EXOC3: variants seen among roughly 807,000 people sequenced by gnomAD.
EXOC3 encodes the protein exocyst complex component 3, also known as SEC6-like 1.
Under a neutral mutation model 73.7 loss-of-function variants are expected in EXOC3, and 21 were observed. That is an observed-to-expected ratio of 0.29 (90% CI 0.20 to 0.41). EXOC3 has a LOEUF of 0.41. EXOC3 is among the 10% of genes least tolerant of loss of function. The pLI, the probability that EXOC3 is intolerant of heterozygous loss-of-function variation, is 1.00. For missense variants in EXOC3, 842 were observed against 985.1 expected, an observed-to-expected ratio of 0.85 and a Z score of 1.95; for synonymous variants, 410 against 389.1, an observed-to-expected ratio of 1.05 and a Z score of -0.63.
At position 447,745 on chromosome 5, in the gene EXOC3, C is replaced by T. The variant is rs1399531190; in HGVS notation, c.357C>T (p.Ile119=). 3 of 1,559,416 alleles carry T rather than the reference C, an allele frequency of 1.9e-6. No homozygotes were observed. Among genetic ancestry groups the T allele is most frequent in the Middle Eastern group, 1.7e-4 (1 of 5,942 alleles). The stretch of plus-strand genomic sequence containing the variant: ...CAGCCGTGGAGAACCTCAAGAACAT[C>T]TTCTCAGGTACCAGCCAGACGCCGA... ...LAAAVENLKN[I]FSVPEIVRET... Residue 119 remains isoleucine (I), a synonymous_variant, in exon 3 of 13, where the codon ATC becomes ATT. Coordinates refer to ENST00000512944, the MANE Select transcript of EXOC3 (RefSeq NM_007277.5).
rs1373981309 is a variant in EXOC3 at position 465,011 on chromosome 5, C to T, written c.1777-100C>T. 9.4e-6 allele frequency: 12 copies of T among 1,283,110 alleles called. No individual in the cohort carries two copies. In the African/African-American group the frequency reaches 1.8e-4, roughly 19 times the overall value. The allele number at this position is 1,283,110 out of a possible 1,614,324, so 79.5% of individuals were successfully genotyped here. A position where few individuals can be genotyped will look rare whatever the true frequency, so the allele number is the denominator to read the frequency against. On this transcript the variant is annotated intron_variant, in intron 10 of 12. Transcript: ENST00000512944. ...GGAGCGAGGAGGAGTGGGCTCAGAG[C>T]CTCCGGGGAGCCACCGGGAGCCCCA...
rs1553990996 is a variant in EXOC3, at chr5:443,229, G to GGGCGGCGGGGGCGGCGGCGGC, written c.-110_-109insGGGCGGCGGCGGCGGCGGCGG. 3 of 138,814 alleles carry GGGCGGCGGGGGCGGCGGCGGC rather than the reference G, an allele frequency of 2.2e-5. No homozygotes were observed. Among genetic ancestry groups the GGGCGGCGGGGGCGGCGGCGGC allele is most frequent in the Non-Finnish European group, 5.1e-5 (3 of 59,068 alleles). 8.6% of individuals were successfully genotyped at this position (138,814 alleles called of 1,614,324 possible). On this transcript the variant is annotated 5_prime_UTR_variant, in exon 1 of 13. Transcript: ENST00000512944. The stretch of plus-strand genomic sequence containing the variant: ...GCAGCGAAGGCGGAGGGGGCGGCGG[G>GGGCGGCGGGGGCGGCGGCGGC]GGCGGCGGCGGCGGCGGCGGCGGCG...
Position 456,876 on chromosome 5 carries a change from G to C in EXOC3, c.1047-13G>C, listed in dbSNP as rs185429878. The C allele has an allele frequency of 1.2e-6, 2 of 1,600,684 alleles. No homozygotes were observed. The highest frequency in any genetic ancestry group is 2.7e-5 in the African/African-American group (2 of 74,738). Reference sequence around the variant, plus strand: ...GTCGTGGTTTGTCACTCACATTCCTGGTTCCCCCATAGTACTGAGATGATG... The same window carrying C: ...GTCGTGGTTTGTCACTCACATTCCTCGTTCCCCCATAGTACTGAGATGATG... On this transcript the variant is annotated splice_polypyrimidine_tract_variant and intron_variant, in intron 4 of 12. Coordinates refer to ENST00000512944, the MANE Select transcript of EXOC3 (RefSeq NM_007277.5).
intron 1 of EXOC3, among the ~76,000 whole-genome samples, chr5:444,417 C>CTTCA (rs1737442105): frequency 6.6e-6 from 1 of 152,258 alleles, no homozygotes; most frequent in Non-Finnish European, 1.5e-5. Flanking sequence ...GCGTGACAGA[C>CTTCA]TTCACTCCAG....
rs758868550 is a variant in EXOC3 at position 459,460 on chromosome 5, G to GTATGTC, written c.1391+3_1391+8dup. The GTATGTC allele has an allele frequency of 9.4e-6, 14 of 1,490,514 alleles. No individual in the cohort carries two copies. The highest frequency in any genetic ancestry group is 1.2e-5 in the Non-Finnish European group (13 of 1,092,538). 92.3% of individuals were successfully genotyped at this position (1,490,514 alleles called of 1,614,324 possible). A position where few individuals can be genotyped will look rare whatever the true frequency, so the allele number is the denominator to read the frequency against. ...AGCAGATGAATTCTTTCCTAAGCAG[G>GTATGTC]TATGTCTTTCTGCCAGTGTGCTAAT... is the stretch of plus-strand genomic sequence containing the variant. On this transcript the variant is annotated splice_donor_variant, in intron 7 of 12. Transcript: ENST00000512944. LOFTEE classifies it high-confidence loss of function.
In EXOC3 at chr5:454,019, C is replaced by T; in HGVS notation, c.1014C>T (p.Ser338=). The part of the protein sequence containing the change: ...SEDLEANEIV[S]LLTWVLNTYT... The stretch of plus-strand genomic sequence containing the variant: ...ACCTGGAAGCCAATGAGATCGTGAG[C>T]CTCTTGACGTGGGTCTTAAACACCT... The change falls in exon 4 of 13, where the codon AGC becomes AGT. Residue 338 remains serine, a synonymous_variant. Coordinates refer to ENST00000512944, the MANE Select transcript of EXOC3 (RefSeq NM_007277.5). 1 of 1,611,996 alleles carries T rather than the reference C, an allele frequency of 6.2e-7. No individual in the cohort carries two copies. Among genetic ancestry groups the T allele is most frequent in the Non-Finnish European group, 8.5e-7 (1 of 1,178,956 alleles).
intron 4 of EXOC3, among the ~76,000 whole-genome samples, chr5:454,481 C>T (rs1030837214): frequency 2.0e-5 from 3 of 152,246 alleles, no homozygotes; most frequent in South Asian, 2.1e-4. Flanking sequence ...ACTACATCAC[C>T]TCCCTGGCTT....
At chr5:457,806 G>A in intron 5 of EXOC3, 94 bp from the exon 6 acceptor site, 1 of 1,359,472 alleles carries the variant, frequency 7.4e-7, no homozygotes. Flanking sequence ...TCTGGTTTGT[G>A]GAGCTTGTGC....
intron 11 of EXOC3, 65 bp downstream of exon 11, chr5:465,337 C>T: frequency 1.3e-6 from 2 of 1,517,144 alleles, no homozygotes; most frequent in African/African-American, 1.4e-5. Flanking sequence ...CAGCCTCCAC[C>T]CCGGGACTCG....
intron 6 of EXOC3, among the ~76,000 whole-genome samples, chr5:458,566 G>A (rs543811536): frequency 2.0e-5 from 3 of 152,292 alleles, no homozygotes; most frequent in South Asian, 2.1e-4. Flanking sequence ...GTATTAGACC[G>A]ACCTGCATTT....
In EXOC3 at chr5:453,776, C is replaced by T; in HGVS notation, c.771C>T (p.Thr257=). 1.9e-6 allele frequency: 3 copies of T among 1,613,932 alleles called. No homozygotes were observed. The highest frequency in any genetic ancestry group is 2.5e-6 in the Non-Finnish European group (3 of 1,179,882). ...KMFTILERTV[T]TRIEGTQADT... ...TCACCATCTTGGAGAGGACTGTGAC[C>T]ACCAGAATTGAGGGCACACAGGCAG... Residue 257 remains threonine, a synonymous_variant, in exon 4 of 13, where the codon ACC becomes ACT. Transcript: ENST00000512944.
chr5:444,471 C>T (rs979644567), intron 1 of EXOC3, among the ~76,000 whole-genome samples: 1 of 152,234 alleles, frequency 6.6e-6, no homozygotes, highest in Non-Finnish European at 1.5e-5. Context: ...CCCAGCAGAG[C>T]GGCTGGGGGT....
intron 3 of EXOC3, among the ~76,000 whole-genome samples, chr5:448,338 T>C (rs1737564596): frequency 6.6e-6 from 1 of 152,158 alleles, no homozygotes; most frequent in South Asian, 2.1e-4. Context: ...CAGCTGGCCC[T>C]GGGTGGTGGC....
intron 3 of EXOC3, among the ~76,000 whole-genome samples, chr5:452,337 A>G (rs77916227): frequency 0.032 from 4,779 of 151,646 alleles, 121 homozygotes; most frequent in Admixed American, 0.065. Context: ...TGAATTTTTC[A>G]TTTCATTTAT....
chr5:446,674 A>G (rs1737517883), intron 2 of EXOC3, among the ~76,000 whole-genome samples: 1 of 152,190 alleles, frequency 6.6e-6, no homozygotes, highest in African/African-American at 2.4e-5. Context: ...CCTGGTCAAC[A>G]TGGTGAAACC....
chr5:467,108 G>T lies in EXOC3; in HGVS notation c.*210G>T, dbSNP rs1738175525. 3.4e-6 allele frequency: 2 copies of T among 579,736 alleles called. No homozygotes were observed. The highest frequency in any genetic ancestry group is 5.6e-5 in the East Asian group (2 of 35,726). 35.9% of individuals were successfully genotyped at this position (579,736 alleles called of 1,614,324 possible). On this transcript the variant is annotated 3_prime_UTR_variant, in exon 13 of 13. Transcript: ENST00000512944. Reference sequence around the variant, plus strand: ...TCACTGTGCTGTCAAAGGCCTGTGGGTGCAGGGCTCTGCCGCACAGCCTCT... The same window carrying T: ...TCACTGTGCTGTCAAAGGCCTGTGGTTGCAGGGCTCTGCCGCACAGCCTCT...
chr5:446,782 A>C (rs1737520771), intron 2 of EXOC3, among the ~76,000 whole-genome samples: 1 of 152,042 alleles, frequency 6.6e-6, no homozygotes, highest in Admixed American at 6.6e-5. Context: ...GCTTGAACCC[A>C]GGAGGCAGAG....
chr5:453,733 A>T lies in EXOC3; in HGVS notation c.728A>T (p.Asn243Ile). The change falls in exon 4 of 13, where the codon AAT becomes ATT. Residue 243 changes from asparagine to isoleucine, a missense_variant. Physicochemically the swap from Asn to Ile is moderately radical, Grantham distance 149. Coordinates refer to ENST00000512944, the MANE Select transcript of EXOC3 (RefSeq NM_007277.5). ...TTTGTTCCTCCTGGGAGGCCCAAGA[A>T]TTGGAAGGAGAAAATGTTCACCATC... ...TGFVPPGRPK[N>I]WKEKMFTILE... 5.0e-6 allele frequency: 8 copies of T among 1,613,952 alleles called. No homozygotes were observed. Among genetic ancestry groups the T allele is most frequent in the Non-Finnish European group, 6.8e-6 (8 of 1,179,912 alleles).
In EXOC3 at chr5:465,745, T is replaced by A. The variant is rs921847454; in HGVS notation, c.1966T>A (p.Cys656Ser). The change falls in exon 12 of 13, where the codon TGC becomes AGC. Residue 656 changes from cysteine to serine, a missense_variant. Physicochemically the swap from Cys to Ser is moderately radical, Grantham distance 112. Transcript: ENST00000512944. The part of the protein sequence containing the change: ...SGFGEDVDGY[C>S]DTIVAVAEVI... ...TTTCGGGGAAGACGTGGACGGATAC[T>A]GCGACACCATCGTGGCTGTGGCCGA... The A allele has an allele frequency of 3.7e-6, 6 of 1,613,808 alleles. No homozygotes were observed. Among genetic ancestry groups the A allele is most frequent in the Non-Finnish European group, 5.1e-6 (6 of 1,179,876 alleles).
Sources: allele counts gnomAD v4.1 joint callset (sites outside exome capture counted in the v4.1 genomes callset), GRCh38; gene constraint gnomAD v4.1.1; transcripts MANE v1.5; gene names NCBI Gene and HGNC (gene_info 2026-07-23, HGNC 2026-07-21).